YWHAQ: variants seen among roughly 807,000 people sequenced by gnomAD.
The protein encoded by YWHAQ is tyrosine 3-monooxygenase/tryptophan 5-monooxygenase activation protein theta.
Under a neutral mutation model 28.3 loss-of-function variants are expected in YWHAQ, and 6 were observed. That is an observed-to-expected ratio of 0.21 (90% CI 0.12 to 0.42). The LOEUF (loss-of-function observed/expected upper bound fraction) is 0.42. Ranked by LOEUF, YWHAQ falls within the 10% of genes least tolerant of loss-of-function variation. The pLI, the probability that YWHAQ is intolerant of heterozygous loss-of-function variation, is 1.00. For missense variants in YWHAQ, 201 were observed against 305.6 expected (o/e 0.66, Z 2.55); for synonymous variants, 143 against 119.1 (o/e 1.20, Z -1.31).
At chr2:9,611,547 C>A (rs1243189094) in intron 2 of YWHAQ, among the ~76,000 whole-genome samples, 1 of 152,206 alleles carries the variant, frequency 6.6e-6, no homozygotes, top group Admixed American at 6.5e-5. Flanking sequence ...TGCTAACCCT[C>A]CCGCTCCATC....
chr2:9,624,950 C>T (rs1667219416), intron 2 of YWHAQ, among the ~76,000 whole-genome samples: 1 of 151,740 alleles, frequency 6.6e-6, no homozygotes, highest in Admixed American at 6.6e-5. Context: ...TATCATGTTG[C>T]CTAGGCTGGT....
chr2:9,603,783 G>T (rs1443073767), intron 2 of YWHAQ, among the ~76,000 whole-genome samples: 1 of 151,850 alleles, frequency 6.6e-6, no homozygotes, highest in Non-Finnish European at 1.5e-5. Flanking sequence ...AAACTAGCTG[G>T]GCGTGGTGGT....
chr2:9,617,471 C>T (rs577763197), intron 2 of YWHAQ, among the ~76,000 whole-genome samples: 103 of 152,192 alleles, frequency 6.8e-4, no homozygotes, highest in African/African-American at 2.3e-3. Context: ...GAATGGAGAG[C>T]TTCTGTTTAA....
intron 2 of YWHAQ, among the ~76,000 whole-genome samples, chr2:9,606,120 T>C (rs1052341234): frequency 3.9e-5 from 6 of 152,232 alleles, no homozygotes; most frequent in Non-Finnish European, 7.3e-5. Flanking sequence ...AATCTTGGTA[T>C]TTCCAACTAT....
At chr2:9,593,905 A>AAAAAAATAT (rs1205661739) in intron 2 of YWHAQ, among the ~76,000 whole-genome samples, 65 of 127,632 alleles carry the variant, frequency 5.1e-4, no homozygotes, top group African/African-American at 1.9e-3. Context: ...GATTAAAAAA[A>AAAAAAATAT]ATATATATAT....
intron 3 of YWHAQ, among the ~76,000 whole-genome samples, chr2:9,589,187 T>C (rs1488629914): frequency 6.6e-6 from 1 of 152,094 alleles, no homozygotes; most frequent in Admixed American, 6.5e-5. Context: ...AAAAAAAACA[T>C]GAGATATTAT....
At chr2:9,608,988 G>C (rs569591111) in intron 2 of YWHAQ, among the ~76,000 whole-genome samples, 26 of 152,204 alleles carry the variant, frequency 1.7e-4, no homozygotes, top group Non-Finnish European at 3.1e-4. Flanking sequence ...ATACTCAAGG[G>C]ACGGATTCTC....
intron 5 of YWHAQ, among the ~76,000 whole-genome samples, chr2:9,586,806 A>G (rs1297230060): frequency 6.6e-6 from 1 of 152,174 alleles, no homozygotes; most frequent in Non-Finnish European, 1.5e-5. Context: ...GAAGTCTAAG[A>G]TTTTACCTAT....
intron 2 of YWHAQ, among the ~76,000 whole-genome samples, chr2:9,607,671 TGAAATGGTAA>T (rs1317960222): frequency 1.3e-5 from 2 of 151,682 alleles, no homozygotes; most frequent in Non-Finnish European, 2.9e-5. Flanking sequence ...CCTGACCATA[TGAAATGGTAA>T]CACATTTTAA....
At chr2:9,588,718 C>A (rs569257069) in intron 3 of YWHAQ, among the ~76,000 whole-genome samples, 13 of 152,236 alleles carry the variant, frequency 8.5e-5, no homozygotes, top group African/African-American at 3.1e-4. Context: ...TTGCAGTGAG[C>A]CGACATCACA....
chr2:9,628,958 T>C (rs1667299278), intron 2 of YWHAQ: 1 of 148,286 alleles, frequency 6.7e-6, no homozygotes, highest in African/African-American at 2.5e-5. Flanking sequence ...ATTAGAAAAA[T>C]AGATAGGTTA....
chr2:9,611,273 C>G (rs1390944016), intron 2 of YWHAQ, among the ~76,000 whole-genome samples: 1 of 152,202 alleles, frequency 6.6e-6, no homozygotes, highest in African/African-American at 2.4e-5. Flanking sequence ...ACCACACTTA[C>G]TAAACAATTT....
intron 2 of YWHAQ, among the ~76,000 whole-genome samples, chr2:9,598,011 T>TTTTTTTTTTTTTTTTTTTG (rs1397521514): frequency 2.2e-5 from 3 of 137,102 alleles, no homozygotes; most frequent in Non-Finnish European, 3.2e-5. Flanking sequence ...TTTTTTTTTT[T>TTTTTTTTTTTTTTTTTTTG]TTAGTAGAGA....
intron 2 of YWHAQ, among the ~76,000 whole-genome samples, chr2:9,629,725 C>G (rs1573010483): frequency 6.6e-6 from 1 of 152,270 alleles, no homozygotes. Flanking sequence ...ATTTCCATTA[C>G]TGGGTTTGGG....
chr2:9,612,617 A>G (rs1666970616), intron 2 of YWHAQ, among the ~76,000 whole-genome samples: 2 of 152,224 alleles, frequency 1.3e-5, no homozygotes, highest in African/African-American at 4.8e-5. Context: ...AGGAGTGTGG[A>G]GCAACAACAA....
chr2:9,624,921 T>C (rs1322651168), intron 2 of YWHAQ, among the ~76,000 whole-genome samples: 1 of 151,866 alleles, frequency 6.6e-6, no homozygotes, highest in Non-Finnish European at 1.5e-5. Context: ...TTTTTGTATT[T>C]TTAGTAGAGA....
At chr2:9,627,829 C>T (rs1667279274) in intron 2 of YWHAQ, among the ~76,000 whole-genome samples, 1 of 152,180 alleles carries the variant, frequency 6.6e-6, no homozygotes, top group Non-Finnish European at 1.5e-5. Context: ...ACACACTGTT[C>T]CCCGAACAAG....
intron 2 of YWHAQ, among the ~76,000 whole-genome samples, chr2:9,626,954 C>G (rs1356243493): frequency 6.6e-6 from 1 of 152,220 alleles, no homozygotes; most frequent in Non-Finnish European, 1.5e-5. Context: ...CAGCCCCAAA[C>G]CATGAGAACT....
In YWHAQ at chr2:9,629,754, T is replaced by A. The variant is rs987628254; in HGVS notation, c.294+405A>T. ...GTTTGGGAAAAAATCCCTACTACAT[T>A]GTCTGTAACAAAAAGGTGCCTGCGC... On this transcript the variant is annotated intron_variant, in intron 2 of 5. Transcript: ENST00000238081. Among the ~76,000 whole-genome samples, 2 of 152,314 alleles carry A rather than the reference T, an allele frequency of 1.3e-5. 1 individual carries two copies. The highest frequency in any genetic ancestry group is 4.1e-4 in the South Asian group (2 of 4,828).
Sources: allele counts gnomAD v4.1 joint callset (sites outside exome capture counted in the v4.1 genomes callset), GRCh38; gene constraint gnomAD v4.1.1; transcripts MANE v1.5; gene names NCBI Gene and HGNC (gene_info 2026-07-23, HGNC 2026-07-21).